The following FBXO42 variants were observed in gnomAD, a reference collection of about 807,000 sequenced individuals.
FBXO42 encodes the protein F-box protein 42, also known as F-box only protein 42.
In FBXO42, 12 loss-of-function variants were observed where a neutral mutation model predicts 71.7. The ratio of observed to expected loss-of-function variants is 0.17; its 90% CI spans 0.11 to 0.27. The LOEUF (loss-of-function observed/expected upper bound fraction) is 0.27, where lower values mean the gene tolerates loss of function less well. Ranked by LOEUF, FBXO42 falls within the 10% of genes least tolerant of loss-of-function variation. FBXO42 has a pLI of 1.00. For missense variants in FBXO42, 707 were observed against 911.9 expected (o/e 0.78, Z 2.89); for synonymous variants, 325 against 327.5 (o/e 0.99, Z 0.08).
At chr1:16,294,221 G>A (rs1557588561) in intron 4 of FBXO42, 1 of 152,428 alleles carries the variant, frequency 6.6e-6, no homozygotes, top group African/African-American at 2.4e-5. Flanking sequence ...TCCCCCAGGA[G>A]AGGTTAGGTC....
At chr1:16,263,434 C>A (rs1310331907) in intron 4 of FBXO42, among the ~76,000 whole-genome samples, 1 of 150,738 alleles carries the variant, frequency 6.6e-6, no homozygotes, top group African/African-American at 2.4e-5. Flanking sequence ...CAGAGCGAGA[C>A]TCCATCAGAA....
chr1:16,350,684 T>A (rs1474193078), intron 1 of FBXO42, among the ~76,000 whole-genome samples: 7 of 142,958 alleles, frequency 4.9e-5, no homozygotes, highest in African/African-American at 1.8e-4. Context: ...GGGATGGAGA[T>A]TGCAGAGAGC....
chr1:16,301,341 A>C (rs947265569), intron 3 of FBXO42, among the ~76,000 whole-genome samples: 1 of 152,134 alleles, frequency 6.6e-6, no homozygotes, highest in Non-Finnish European at 1.5e-5. Flanking sequence ...AATTTATTAG[A>C]TATCAACTAT....
chr1:16,256,649 T>C lies in FBXO42; in HGVS notation c.613A>G (p.Arg205Gly). The C allele has an allele frequency of 6.2e-7, 1 of 1,614,190 alleles. No individual in the cohort carries two copies. The highest frequency in any genetic ancestry group is 8.5e-7 in the Non-Finnish European group (1 of 1,180,024). Residue 205 changes from arginine to glycine, a missense_variant, in exon 5 of 10, where the codon AGA (arginine) becomes GGA (glycine). By Grantham distance (125) the Arg-to-Gly change is moderately radical. Around this residue, in one of 5 missense-constraint regions of FBXO42, gnomAD observed 10 missense variants for 40.2 expected, o/e 0.25. Coordinates refer to ENST00000375592, the MANE Select transcript of FBXO42 (RefSeq NM_018994.3). ...PSPYPLHQPE[R>G]FFDEIHTYSP... ...TAAGTGTGTATTTCATCAAAGAATC[T>C]CTCTGGCTGGTGTAGGGGATAAGGG...
intron 4 of FBXO42, among the ~76,000 whole-genome samples, chr1:16,267,147 A>C (rs1265571490): frequency 6.6e-6 from 1 of 152,190 alleles, no homozygotes; most frequent in Non-Finnish European, 1.5e-5. Context: ...ACTGCAGCCC[A>C]AGGACCAAGG....
intron 1 of FBXO42, among the ~76,000 whole-genome samples, chr1:16,340,458 T>G (rs1438743232): frequency 6.6e-6 from 1 of 151,898 alleles, no homozygotes; most frequent in Non-Finnish European, 1.5e-5. Flanking sequence ...GTAGCTGGAA[T>G]TAAAGGCGCC....
intron 4 of FBXO42, among the ~76,000 whole-genome samples, chr1:16,267,336 T>C (rs1388198257): frequency 1.3e-5 from 2 of 152,234 alleles, no homozygotes; most frequent in Admixed American, 1.3e-4. Context: ...ACAGAACCTC[T>C]AAACTCCTGC....
chr1:16,270,945 A>G (rs536587946), intron 4 of FBXO42, among the ~76,000 whole-genome samples: 29 of 146,862 alleles, frequency 2.0e-4, no homozygotes, highest in East Asian at 1.8e-3. Flanking sequence ...CCAAGGGGGG[A>G]AAAAAAAAAC....
At chr1:16,335,864 C>T (rs569865791) in intron 1 of FBXO42, among the ~76,000 whole-genome samples, 20 of 138,406 alleles carry the variant, frequency 1.4e-4, no homozygotes, top group Non-Finnish European at 2.3e-4. Context: ...GAGACTCCAT[C>T]GCGCCAAAAA....
chr1:16,250,876 C>A lies in FBXO42; in HGVS notation c.1948G>T (p.Asp650Tyr), dbSNP rs765433001. The A allele has an allele frequency of 1.9e-6, 3 of 1,614,094 alleles. No homozygotes were observed. Among genetic ancestry groups the A allele is most frequent in the South Asian group, 1.1e-5 (1 of 91,082 alleles). The change falls in exon 10 of 10, where the codon GAC (aspartate) becomes TAC (tyrosine). Residue 650 changes from aspartate to tyrosine, a missense_variant. Asp to Tyr is a radical substitution (Grantham distance 160, BLOSUM62 -3). Around this residue, in one of 5 missense-constraint regions of FBXO42, gnomAD observed 482 missense variants for 587.1 expected, o/e 0.82. Coordinates refer to ENST00000375592, the MANE Select transcript of FBXO42 (RefSeq NM_018994.3). This position sits in a 1 kb window ranked among gnomAD's most constrained non-coding sequence, Gnocchi z 4.7. ...CCCTTCTCCTTGGTGTCTTTAATGT[C>A]CAGCACGTACATCTGCATGGGCTTG... ...NCKPMQMYVL[D>Y]IKDTKEKGRV... is the part of the protein sequence containing the mutation.
chr1:16,250,625 A>G lies in FBXO42; in HGVS notation c.*45T>C, dbSNP rs770581411. 1 of 1,568,658 alleles carries G rather than the reference A, an allele frequency of 6.4e-7. No individual in the cohort carries two copies. The highest frequency in any genetic ancestry group is 1.8e-5 in the Admixed American group (1 of 54,144). On this transcript the variant is annotated 3_prime_UTR_variant, in exon 10 of 10. Coordinates refer to ENST00000375592, the MANE Select transcript of FBXO42 (RefSeq NM_018994.3). The surrounding 1 kb of genome is among the most constrained non-coding windows in gnomAD (Gnocchi z 4.7). ...AGTCCAAATGCTTACACACTGGAAA[A>G]TTCCAAATTAAAAGCCACAGAAAAG...
intron 3 of FBXO42, among the ~76,000 whole-genome samples, chr1:16,297,600 G>A (rs561397218): frequency 2.6e-5 from 4 of 152,074 alleles, no homozygotes; most frequent in Admixed American, 1.3e-4. Flanking sequence ...GGTGGCTCAC[G>A]CCAGTAATCC....
At chr1:16,270,205 T>G (rs1013477995) in intron 4 of FBXO42, among the ~76,000 whole-genome samples, 1 of 152,102 alleles carries the variant, frequency 6.6e-6, no homozygotes, top group African/African-American at 2.4e-5. Context: ...TCTAACCCAT[T>G]AATCCAGGAA....
At chr1:16,306,020 TTC>T (rs2100556973) in intron 2 of FBXO42, 101 bp from the exon 3 acceptor site, 2 of 913,970 alleles carry the variant, frequency 2.2e-6, no homozygotes, top group Non-Finnish European at 3.4e-6. Context: ...TTATACAAGT[TTC>T]TTTTTTTTTT....
intron 1 of FBXO42, among the ~76,000 whole-genome samples, chr1:16,329,093 G>T (rs940321938): frequency 1.3e-5 from 2 of 151,010 alleles, no homozygotes; most frequent in African/African-American, 4.9e-5. Context: ...AACCCAGGAG[G>T]CGGAGGTTGC....
At chr1:16,348,303 T>C (rs1438129776) in intron 1 of FBXO42, among the ~76,000 whole-genome samples, 1 of 152,164 alleles carries the variant, frequency 6.6e-6, no homozygotes, top group Non-Finnish European at 1.5e-5. Context: ...GCTAAATTAA[T>C]TGTACAACAA....
intron 4 of FBXO42, among the ~76,000 whole-genome samples, chr1:16,260,057 C>T (rs2081693836): frequency 6.6e-6 from 1 of 152,068 alleles, no homozygotes; most frequent in African/African-American, 2.4e-5. Flanking sequence ...AACAGTGTGC[C>T]TATGCTTGGG....
Position 16,251,437 on chromosome 1 carries a change from T to C in FBXO42, c.1387A>G (p.Ile463Val), listed in dbSNP as rs760039067. The C allele has an allele frequency of 1.9e-6, 3 of 1,614,098 alleles. No individual in the cohort carries two copies. Among genetic ancestry groups the C allele is most frequent in the South Asian group, 1.1e-5 (1 of 91,080 alleles). ...GSSLDSPVQA[I>V]SPSTPSAPEG... Reference sequence around the variant, plus strand: ...GGAGCAGATGGAGTACTTGGAGATATGGCCTGTACAGGACTGTCCAAAGAA... The same window carrying C: ...GGAGCAGATGGAGTACTTGGAGATACGGCCTGTACAGGACTGTCCAAAGAA... Residue 463 changes from isoleucine (I) to valine (V), a missense_variant, in exon 10 of 10, where the codon ATA (isoleucine) becomes GTA (valine). This residue lies in a region of FBXO42 where 482 missense variants were observed against 587.1 expected (regional missense o/e 0.82). Transcript: ENST00000375592. This position sits in a 1 kb window ranked among gnomAD's most constrained non-coding sequence, Gnocchi z 4.5.
chr1:16,329,153 ACT>A (rs1334764735), intron 1 of FBXO42, among the ~76,000 whole-genome samples: 6 of 131,010 alleles, frequency 4.6e-5, no homozygotes, highest in Non-Finnish European at 7.9e-5. Flanking sequence ...ACAGAGTGAG[ACT>A]CTGTCTCAAA....
Sources: gnomAD v4.1 joint callset for allele counts (sites outside exome capture counted in the v4.1 genomes callset) on GRCh38, gnomAD v4.1.1 for gene constraint, gnomAD v4.1.1 regional missense constraint, Gnocchi (gnomAD v3.1) non-coding constraint, MANE v1.5 for transcripts, NCBI Gene and HGNC (gene_info 2026-07-23, HGNC 2026-07-21) for gene names.